DZANK1: variants seen among roughly 807,000 people sequenced by gnomAD.
DZANK1 encodes double zinc ribbon and ankyrin repeat-containing protein 1.
DZANK1 carries 91 observed loss-of-function variants against 94.5 expected under a neutral mutation model. The ratio of observed to expected loss-of-function variants is 0.96; its 90% CI spans 0.81 to 1.15. DZANK1 has a LOEUF of 1.15. DZANK1 is among the 50% of genes most tolerant of loss of function. The pLI is 0.00. For synonymous variants in DZANK1, 312 were observed against 325.3 expected (o/e 0.96, Z 0.44); for missense variants, 903 against 916.4 (o/e 0.99, Z 0.19).
chr20:18,388,386 C>G (rs1318031838), intron 19 of DZANK1, among the ~76,000 whole-genome samples: 1 of 152,202 alleles, frequency 6.6e-6, no homozygotes, highest in Non-Finnish European at 1.5e-5. Flanking sequence ...AGCTGAGGCA[C>G]AGCAAAATAA....
rs1212628515 is a variant in DZANK1, at chr20:18,412,802, CA to C, written c.1275del (p.Thr427LeufsTer5). 6.2e-7 allele frequency: 1 copy of C among 1,613,938 alleles called. No homozygotes were observed. Among genetic ancestry groups the C allele is most frequent in the Admixed American group, 1.7e-5 (1 of 60,024 alleles). On this transcript the variant is annotated frameshift_variant, in exon 13 of 21. Transcript: ENST00000262547. LOFTEE classifies it high-confidence loss of function. The stretch of plus-strand genomic sequence containing the variant: ...TGTGTTCCTATGTCCCTCTTAGTCC[CA>C]ACATCAGATCTGGGCAAAGGAATAT...
intron 10 of DZANK1, among the ~76,000 whole-genome samples, chr20:18,419,878 T>C (rs1231625289): frequency 3.5e-5 from 5 of 141,432 alleles, no homozygotes; most frequent in African/African-American, 1.3e-4. Flanking sequence ...AAAATAAATA[T>C]TGGTGTAAAT....
intron 8 of DZANK1, among the ~76,000 whole-genome samples, chr20:18,435,701 T>C (rs1367236543): frequency 4.0e-5 from 6 of 151,546 alleles, no homozygotes; most frequent in African/African-American, 1.5e-4. Context: ...CCATGGCACA[T>C]GTACACCTAT....
intron 3 of DZANK1, among the ~76,000 whole-genome samples, chr20:18,459,120 G>A (rs2059388586): frequency 6.6e-6 from 1 of 152,166 alleles, no homozygotes. Context: ...CAGCTTCTAA[G>A]GAGGCCTGCT....
At chr20:18,405,271 A>C (rs968138945) in intron 13 of DZANK1, among the ~76,000 whole-genome samples, 5 of 152,230 alleles carry the variant, frequency 3.3e-5, no homozygotes, top group African/African-American at 4.8e-5. Context: ...ATGAAAGGAA[A>C]ACCAAATAAG....
chr20:18,442,258 C>T lies in DZANK1; in HGVS notation c.747+1089G>A, dbSNP rs570763067. Among the ~76,000 whole-genome samples, 7 of 152,210 alleles carry T rather than the reference C, an allele frequency of 4.6e-5. No homozygotes were observed. The East Asian group carries it at 1.2e-3, about 25-fold the overall frequency. ...GAAGTTAGTTGTGAAAATCCCTTTCCAGGCAAGTAGAAAATAATTTTGGTA... is the reference window on the plus strand; with the variant it reads ...GAAGTTAGTTGTGAAAATCCCTTTCTAGGCAAGTAGAAAATAATTTTGGTA... On this transcript the variant is annotated intron_variant, in intron 8 of 20. Transcript: ENST00000262547.
intron 13 of DZANK1, among the ~76,000 whole-genome samples, chr20:18,402,843 T>G (rs4813317): frequency 1.3e-5 from 2 of 152,088 alleles, no homozygotes; most frequent in African/African-American, 4.8e-5. Context: ...AAAACTATTT[T>G]AAAAAACAGC....
rs527994647 is a variant in DZANK1 at position 18,401,543 on chromosome 20, G to A, written c.1433-2917C>T. 2.0e-5 allele frequency among the ~76,000 whole-genome samples: 3 copies of A among 152,342 alleles called. No homozygotes were observed. The South Asian group carries it at 6.2e-4, about 32-fold the overall frequency. ...TTCATCTCTGCTCCACATGGTGTCA[G>A]TTGAGCCATCTCAAATAGGGCTATG... On this transcript the variant is annotated intron_variant, in intron 13 of 20. Coordinates refer to ENST00000262547, the Ensembl canonical transcript of DZANK1.
chr20:18,442,250 T>G (rs1390597277), intron 8 of DZANK1, among the ~76,000 whole-genome samples: 3 of 152,302 alleles, frequency 2.0e-5, no homozygotes, highest in Non-Finnish European at 4.4e-5. Flanking sequence ...GTTGTGAAAA[T>G]CCCTTTCCAG....
chr20:18,393,927 A>C (rs2056170908), intron 16 of DZANK1, 116 bp from the exon 17 acceptor site: 1 of 726,482 alleles, frequency 1.4e-6, no homozygotes, highest in African/African-American at 1.8e-5. Context: ...CTATCATAGA[A>C]ATTTCTATTT....
chr20:18,448,345 G>C (rs2058960390), intron 7 of DZANK1, among the ~76,000 whole-genome samples: 1 of 152,178 alleles, frequency 6.6e-6, no homozygotes, highest in Non-Finnish European at 1.5e-5. Flanking sequence ...TTAAACTATA[G>C]TGACAAGAAA....
At chr20:18,412,929 ACT>A (rs1157421262) in intron 12 of DZANK1, 76 bp from the exon 13 acceptor site, 2 of 1,307,056 alleles carry the variant, frequency 1.5e-6, no homozygotes, top group East Asian at 5.0e-5. Flanking sequence ...ATAGAAAACA[ACT>A]CTAATCAGAA....
In DZANK1 at chr20:18,446,663, A is replaced by G. The variant is rs143668418; in HGVS notation, c.629+2321T>C. The stretch of plus-strand genomic sequence containing the variant: ...ATATAAATGTACTTATATCTATTAA[A>G]GAAATCTAATGTGTAGTTAAAAATC... On this transcript the variant is annotated intron_variant, in intron 7 of 20. Coordinates refer to ENST00000262547, the Ensembl canonical transcript of DZANK1. Among the ~76,000 whole-genome samples the G allele has an allele frequency of 5.1e-3, 776 of 152,370 alleles. 7 individuals carry two copies. Among genetic ancestry groups the G allele is most frequent in the South Asian group, 0.045 (216 of 4,830 alleles).
At chr20:18,404,124 ATT>A (rs796900990) in intron 13 of DZANK1, among the ~76,000 whole-genome samples, 3 of 145,188 alleles carry the variant, frequency 2.1e-5, no homozygotes, top group Admixed American at 6.9e-5. Context: ...ACATTATGAG[ATT>A]TTTTTTTTTT....
chr20:18,412,980 G>C, intron 12 of DZANK1, 127 bp from the exon 13 acceptor site: 1 of 888,078 alleles, frequency 1.1e-6, no homozygotes, highest in Non-Finnish European at 1.7e-6. Context: ...GGAACTAATA[G>C]GGTTTTCCAG....
Position 18,427,182 on chromosome 20 carries a change from T to C in DZANK1, c.862-23A>G, listed in dbSNP as rs757991464. 22 of 1,578,022 alleles carry C rather than the reference T, an allele frequency of 1.4e-5. No individual in the cohort carries two copies. In the East Asian group the frequency reaches 3.4e-4, roughly 24 times the overall value. ...CTCCTTAACAACAAAAAATAAGACATACATGTTCCTCTGAGCAAACAACTG... is the reference window on the plus strand; with the variant it reads ...CTCCTTAACAACAAAAAATAAGACACACATGTTCCTCTGAGCAAACAACTG... On this transcript the variant is annotated intron_variant, in intron 9 of 20. Coordinates refer to ENST00000262547, the Ensembl canonical transcript of DZANK1.
intron 2 of DZANK1, among the ~76,000 whole-genome samples, chr20:18,461,316 C>G (rs1168509465): frequency 6.6e-6 from 1 of 152,040 alleles, no homozygotes; most frequent in Non-Finnish European, 1.5e-5. Context: ...TATATTGGTA[C>G]ATAAAGAGCT....
At chr20:18,446,321 A>C (rs2058880015) in intron 7 of DZANK1, among the ~76,000 whole-genome samples, 2 of 152,186 alleles carry the variant, frequency 1.3e-5, no homozygotes, top group African/African-American at 4.8e-5. Flanking sequence ...GAAAGAAAGA[A>C]GGCAGACAGG....
intron 17 of DZANK1, 40 bp downstream of exon 17, chr20:18,393,671 C>T: frequency 1.5e-6 from 2 of 1,316,490 alleles, no homozygotes; most frequent in Middle Eastern, 2.1e-4. Flanking sequence ...AAATCACAGG[C>T]TGAAGACAAC....
Sources: allele counts gnomAD v4.1 joint callset (sites outside exome capture counted in the v4.1 genomes callset), GRCh38; gene constraint gnomAD v4.1.1; transcripts MANE v1.5; gene names NCBI Gene and HGNC (gene_info 2026-07-23, HGNC 2026-07-21).